XKR4: variants seen among roughly 807,000 people sequenced by gnomAD.
XKR4 encodes XK-related protein 4.
In XKR4, 12 loss-of-function variants were observed where a neutral mutation model predicts 53.9. That is an observed-to-expected ratio of 0.22 (90% CI 0.14 to 0.36). XKR4 has a LOEUF of 0.36. XKR4 is among the 10% of genes least tolerant of loss of function. The pLI, the probability that XKR4 is intolerant of heterozygous loss-of-function variation, is 1.00. For synonymous variants in XKR4, 354 were observed against 362.4 expected (o/e 0.98, Z 0.26); for missense variants, 799 against 859.5 (o/e 0.93, Z 0.88).
intron 1 of XKR4, among the ~76,000 whole-genome samples, chr8:55,206,184 C>A (rs1817647197): frequency 6.6e-6 from 1 of 152,214 alleles, no homozygotes; most frequent in Non-Finnish European, 1.5e-5. Context: ...AAACCTTCCA[C>A]ACCATGGAAG....
intron 1 of XKR4, among the ~76,000 whole-genome samples, chr8:55,330,747 C>T (rs1265907566): frequency 7.9e-5 from 12 of 152,092 alleles, no homozygotes; most frequent in Admixed American, 6.6e-4. Context: ...TTCCCTTCCT[C>T]CCCAGAAGTC....
chr8:55,385,418 G>C (rs1173611072), intron 2 of XKR4, among the ~76,000 whole-genome samples: 1 of 152,126 alleles, frequency 6.6e-6, no homozygotes, highest in South Asian at 2.1e-4. Flanking sequence ...CTGTGAAGCT[G>C]TCTCTGAGCC....
At chr8:55,461,808 C>T (rs1004599508) in intron 2 of XKR4, among the ~76,000 whole-genome samples, 7 of 152,200 alleles carry the variant, frequency 4.6e-5, no homozygotes, top group East Asian at 3.9e-4. Context: ...AACCAAGGCA[C>T]GAGAACTATG....
intron 1 of XKR4, among the ~76,000 whole-genome samples, chr8:55,189,620 A>G (rs1434458824): frequency 6.6e-6 from 1 of 152,214 alleles, no homozygotes; most frequent in Non-Finnish European, 1.5e-5. Flanking sequence ...ATAACATCAC[A>G]ATGGCTAGAC....
intron 1 of XKR4, among the ~76,000 whole-genome samples, chr8:55,107,913 A>G (rs1258946640): frequency 6.6e-6 from 1 of 152,232 alleles, no homozygotes; most frequent in Non-Finnish European, 1.5e-5. Flanking sequence ...AGCACCTGCT[A>G]TGTGCAAGGC....
chr8:55,145,382 G>A lies in XKR4; in HGVS notation c.806+42088G>A, dbSNP rs568872484. Among the ~76,000 whole-genome samples the A allele has an allele frequency of 1.1e-3, 171 of 151,910 alleles. 1 individual carries two copies. Among genetic ancestry groups the A allele is most frequent in the African/African-American group, 4.0e-3 (164 of 41,412 alleles). On this transcript the variant is annotated intron_variant, in intron 1 of 2. Transcript: ENST00000327381. ...TTGATTTATTCTTTTTCTGAACAGA[G>A]TGTATTTAAAATCACTGCCACTACA...
At chr8:55,377,346 C>A (rs1424932515) in intron 2 of XKR4, among the ~76,000 whole-genome samples, 2 of 152,196 alleles carry the variant, frequency 1.3e-5, no homozygotes, top group African/African-American at 4.8e-5. Context: ...AGGGTGGATG[C>A]TCTGTCTCAT....
intron 2 of XKR4, chr8:55,454,360 G>A: frequency 6.6e-7 from 1 of 1,510,796 alleles, no homozygotes; most frequent in Non-Finnish European, 9.2e-7. Context: ...GGGCCGGCAG[G>A]ATGGGCACAT....
At chr8:55,218,680 C>T (rs1441979575) in intron 1 of XKR4, among the ~76,000 whole-genome samples, 1 of 152,186 alleles carries the variant, frequency 6.6e-6, no homozygotes, top group Non-Finnish European at 1.5e-5. Flanking sequence ...TATAAACTTT[C>T]ATACAGAACA....
intron 2 of XKR4, among the ~76,000 whole-genome samples, chr8:55,405,658 C>T (rs1164151204): frequency 6.6e-6 from 1 of 152,214 alleles, no homozygotes; most frequent in Non-Finnish European, 1.5e-5. Flanking sequence ...CTCTTCAATT[C>T]CCAAATTTAT....
chr8:55,106,246 G>A (rs1816145012), intron 1 of XKR4, among the ~76,000 whole-genome samples: 1 of 152,086 alleles, frequency 6.6e-6, no homozygotes, highest in African/African-American at 2.4e-5. Context: ...CAAAGCATTT[G>A]CTTGTTTAGA....
intron 2 of XKR4, among the ~76,000 whole-genome samples, chr8:55,384,190 G>A (rs1349230574): frequency 6.6e-6 from 1 of 152,176 alleles, no homozygotes; most frequent in African/African-American, 2.4e-5. Context: ...CCTACAGGTG[G>A]TGAATGAGGG....
At chr8:55,211,488 C>T (rs944163773) in intron 1 of XKR4, among the ~76,000 whole-genome samples, 1 of 152,206 alleles carries the variant, frequency 6.6e-6, no homozygotes, top group Non-Finnish European at 1.5e-5. Context: ...ATTTCCAACT[C>T]AAATTAGGTC....
Position 55,385,836 on chromosome 8 carries a change from T to C in XKR4, c.1006+27959T>C, listed in dbSNP as rs562275185. ...AGAACCATGAGGAGAGACATTCCATTATACCAACAAAAAGAACACCAAACA... is the reference window on the plus strand; with the variant it reads ...AGAACCATGAGGAGAGACATTCCATCATACCAACAAAAAGAACACCAAACA... On this transcript the variant is annotated intron_variant, in intron 2 of 2. Coordinates refer to ENST00000327381, the MANE Select transcript of XKR4 (RefSeq NM_052898.2). Among the ~76,000 whole-genome samples the C allele has an allele frequency of 2.0e-5, 3 of 152,316 alleles. No individual in the cohort carries two copies. The South Asian group carries it at 6.2e-4, about 32-fold the overall frequency.
intron 2 of XKR4, among the ~76,000 whole-genome samples, chr8:55,427,070 G>T (rs1805027027): frequency 6.6e-6 from 1 of 152,124 alleles, no homozygotes; most frequent in African/African-American, 2.4e-5. Flanking sequence ...GCTAGTAACG[G>T]TCTCTTAGAT....
intron 1 of XKR4, among the ~76,000 whole-genome samples, chr8:55,304,848 G>T (rs1239177368): frequency 6.6e-6 from 1 of 151,824 alleles, no homozygotes; most frequent in Non-Finnish European, 1.5e-5. Context: ...CTATTTGCTT[G>T]GTAGCTCTTC....
chr8:55,463,440 A>G (rs920739597), intron 2 of XKR4, among the ~76,000 whole-genome samples: 4 of 151,538 alleles, frequency 2.6e-5, no homozygotes, highest in African/African-American at 9.7e-5. Flanking sequence ...GAACAAAGAC[A>G]CAACATACCA....
chr8:55,438,093 A>G (rs1187540506), intron 2 of XKR4, among the ~76,000 whole-genome samples: 11 of 152,160 alleles, frequency 7.2e-5, no homozygotes, highest in Non-Finnish European at 1.5e-5. Context: ...TAAGAGCAAG[A>G]GAGGGTGGCT....
At chr8:55,254,687 G>A (rs1281291505) in intron 1 of XKR4, among the ~76,000 whole-genome samples, 3 of 152,074 alleles carry the variant, frequency 2.0e-5, no homozygotes, top group South Asian at 2.1e-4. Flanking sequence ...CAAACTGTTC[G>A]GGGAACCCTA....
Sources: gnomAD v4.1 joint callset for allele counts (sites outside exome capture counted in the v4.1 genomes callset) on GRCh38, gnomAD v4.1.1 for gene constraint, MANE v1.5 for transcripts, NCBI Gene and HGNC (gene_info 2026-07-23, HGNC 2026-07-21) for gene names.